Variants in CPOX observed in about 807,000 individuals in gnomAD.
CPOX encodes coproporphyrinogen oxidase.
In CPOX, 24 loss-of-function variants were observed where a neutral mutation model predicts 48.9. The ratio of observed to expected loss-of-function variants is 0.49; its 90% CI spans 0.36 to 0.69. The LOEUF (loss-of-function observed/expected upper bound fraction) is 0.69, where lower values mean the gene tolerates loss of function less well. Among genes scored for constraint, CPOX ranks in the 30% least tolerant of loss-of-function variants. CPOX has a pLI of 0.00. For missense variants in CPOX, 549 were observed against 597.3 expected (o/e 0.92, Z 0.84); for synonymous variants, 249 against 234.6 (o/e 1.06, Z -0.56).
chr3:98,578,939 A>G (rs1472427370), downstream of CPOX, among the ~76,000 whole-genome samples: 1 of 152,236 alleles, frequency 6.6e-6, no homozygotes, highest in Non-Finnish European at 1.5e-5. Flanking sequence ...CCTAGGAATG[A>G]GGAACTATGG....
rs548893156 is a variant in CPOX, at chr3:98,580,913, C to A, written c.1278-143G>T. ...CTTTGTCTCTACTGTGCCTGATGTGCCTTGTACCAACTTGACCTTTAAAAA... is the reference window on the plus strand; with the variant it reads ...CTTTGTCTCTACTGTGCCTGATGTGACTTGTACCAACTTGACCTTTAAAAA... On this transcript the variant is annotated intron_variant, in intron 6 of 6. Coordinates refer to ENST00000647941, the MANE Select transcript of CPOX (RefSeq NM_000097.7). 2.1e-5 allele frequency: 21 copies of A among 988,230 alleles called. No individual in the cohort carries two copies. In the East Asian group the frequency reaches 5.3e-4, roughly 25 times the overall value. 61.2% of individuals were successfully genotyped at this position (988,230 alleles called of 1,614,324 possible).
downstream of CPOX, among the ~76,000 whole-genome samples, chr3:98,575,218 T>C (rs57724013): frequency 0.36 from 54,230 of 152,126 alleles, 9,817 homozygotes; most frequent in African/African-American, 0.41. Context: ...AACACATCCA[T>C]GACAGAGTCA....
At chr3:98,578,305 T>C (rs1032015729), downstream of CPOX, 15 of 789,542 alleles carry the variant, frequency 1.9e-5, no homozygotes, top group Non-Finnish European at 2.3e-5. Flanking sequence ...TTTATCTTCA[T>C]TTACCCGCCA....
intron 5 of CPOX, 34 bp downstream of exon 5, chr3:98,585,407 T>A: frequency 6.4e-7 from 1 of 1,565,578 alleles, no homozygotes. Context: ...CTCCCCCACT[T>A]AGCCATGAAA....
At position 98,579,964 on chromosome 3, in the gene CPOX, A is replaced by G. The variant is rs1282226030; in HGVS notation, c.*719T>C. 5 of 985,690 alleles carry G rather than the reference A, an allele frequency of 5.1e-6. No individual in the cohort carries two copies. The highest frequency in any genetic ancestry group is 6.0e-6 in the Non-Finnish European group (5 of 829,864). 61.1% of individuals were successfully genotyped at this position (985,690 alleles called of 1,614,324 possible). On this transcript the variant is annotated 3_prime_UTR_variant, in exon 7 of 7. Transcript: ENST00000647941. ...TCAGGGATATAAGCTTTCACATTCAAAAGTGCAGAGAATCCCAACATTAAC... is the reference window on the plus strand; with the variant it reads ...TCAGGGATATAAGCTTTCACATTCAGAAGTGCAGAGAATCCCAACATTAAC...
chr3:98,586,197 A>C (rs939640388), intron 4 of CPOX, among the ~76,000 whole-genome samples: 3 of 152,164 alleles, frequency 2.0e-5, no homozygotes, highest in Admixed American at 6.5e-5. Flanking sequence ...TTCAAGGCGA[A>C]CAGGCAATTT....
At chr3:98,589,004 A>C in intron 3 of CPOX, 150 bp from the exon 4 acceptor site, 1 of 897,498 alleles carries the variant, frequency 1.1e-6, no homozygotes, top group Non-Finnish European at 1.8e-6. Context: ...TCTGAAGACC[A>C]GTAAGGCCTA....
downstream of CPOX, among the ~76,000 whole-genome samples, chr3:98,575,420 G>C (rs896236688): frequency 6.6e-6 from 1 of 152,218 alleles, no homozygotes; most frequent in African/African-American, 2.4e-5. Flanking sequence ...CTAGAATAGA[G>C]CTGGCTACAC....
chr3:98,587,323 C>G (rs1707383067), intron 4 of CPOX, among the ~76,000 whole-genome samples: 1 of 152,060 alleles, frequency 6.6e-6, no homozygotes, highest in Non-Finnish European at 1.5e-5. Flanking sequence ...CAAAATCTCT[C>G]TTTAAAACAT....
chr3:98,580,124 T>C lies in CPOX; in HGVS notation c.*559A>G, dbSNP rs2107111642. 1 of 974,352 alleles carries C rather than the reference T, an allele frequency of 1.0e-6. No homozygotes were observed. Among genetic ancestry groups the C allele is most frequent in the South Asian group, 4.7e-5 (1 of 21,056 alleles). 60.4% of individuals were successfully genotyped at this position (974,352 alleles called of 1,614,324 possible). On this transcript the variant is annotated 3_prime_UTR_variant, in exon 7 of 7. Transcript: ENST00000647941. The stretch of plus-strand genomic sequence containing the variant: ...AGAGATTATTTCAAGTGCTTCTAAA[T>C]ACCTATTAGAAAAATGTGTATCTAT...
intron 2 of CPOX, 67 bp from the exon 3 acceptor site, chr3:98,590,809 CTAATA>C (rs1221062042): frequency 1.1e-5 from 14 of 1,259,040 alleles, no homozygotes; most frequent in Non-Finnish European, 1.5e-5. Context: ...CAATTTCACT[CTAATA>C]TGATTTCCAA....
intron 5 of CPOX, 41 bp downstream of exon 5, chr3:98,585,400 C>T: frequency 6.6e-7 from 1 of 1,516,018 alleles, no homozygotes; most frequent in Non-Finnish European, 9.2e-7. Flanking sequence ...GCTCCACCTC[C>T]CCCACTTAGC....
At position 98,593,357 on chromosome 3, in the gene CPOX, G is replaced by A; in HGVS notation, c.148C>T (p.Pro50Ser). The change falls in exon 1 of 7, where the codon CCC becomes TCC. Residue 50 changes from proline (P) to serine (S), a missense_variant. Pro to Ser is a moderately conservative substitution (Grantham distance 74, BLOSUM62 -1). Coordinates refer to ENST00000647941, the MANE Select transcript of CPOX (RefSeq NM_000097.7). Reference sequence around the variant, plus strand: ...TGCTCCGTGCCAGCCGGGCCAGGGGGCCGGCAGACGCGTCCGGCTGCGCTG... The same window carrying A: ...TGCTCCGTGCCAGCCGGGCCAGGGGACCGGCAGACGCGTCCGGCTGCGCTG... ...QRSAAGRVCRPPGPAGTEQSR... is the reference protein window; with the variant it reads ...QRSAAGRVCRSPGPAGTEQSR... 2.2e-6 allele frequency: 3 copies of A among 1,339,308 alleles called. No individual in the cohort carries two copies. The highest frequency in any genetic ancestry group is 2.8e-6 in the Non-Finnish European group (3 of 1,057,274). 83.0% of individuals were successfully genotyped at this position (1,339,308 alleles called of 1,614,324 possible).
rs1707467275 is a variant in CPOX at position 98,590,957 on chromosome 3, G to A, written c.700+55C>T. 3.1e-6 allele frequency: 5 copies of A among 1,588,866 alleles called. 2 individuals carry two copies. The Admixed American group carries it at 6.7e-5, about 21-fold the overall frequency. ...TATTTATTTTATAAATAAAACTTGT[G>A]GGCAAAATAAGGTTTGCAGGGACTA... On this transcript the variant is annotated intron_variant, in intron 2 of 6. Coordinates refer to ENST00000647941, the MANE Select transcript of CPOX (RefSeq NM_000097.7).
rs562438814 is a variant in CPOX at position 98,584,274 on chromosome 3, C to T, written c.1172+1167G>A. The stretch of plus-strand genomic sequence containing the variant: ...GGTTCTTTTTGGCAGGTCCATGTTA[C>T]AGCCACCGGGTAGCCAAGATAGTGC... On this transcript the variant is annotated intron_variant, in intron 5 of 6. Transcript: ENST00000647941. Among the ~76,000 whole-genome samples the T allele has an allele frequency of 2.0e-5, 3 of 152,246 alleles. No individual in the cohort carries two copies. In the South Asian group the frequency reaches 6.2e-4, roughly 32 times the overall value.
chr3:98,574,503 C>G (rs1171106116), downstream of CPOX, among the ~76,000 whole-genome samples: 1 of 152,168 alleles, frequency 6.6e-6, no homozygotes, highest in Non-Finnish European at 1.5e-5. Context: ...ACCACACTCA[C>G]GTTGAATAGC....
intron 4 of CPOX, among the ~76,000 whole-genome samples, chr3:98,587,164 T>C (rs1345614865): frequency 6.6e-6 from 1 of 152,106 alleles, no homozygotes; most frequent in Non-Finnish European, 1.5e-5. Context: ...AAACAACAGA[T>C]GCAAATCCCT....
Position 98,581,408 on chromosome 3 carries a change from G to A in CPOX, c.1276C>T (p.Arg426Ter), listed in dbSNP as rs202148820. The change falls in exon 6 of 7, where the codon CGA becomes TGA. Residue 426 changes from arginine (R) to a stop codon, truncating the protein, a stop_gained and splice_region_variant. Coordinates refer to ENST00000647941, the MANE Select transcript of CPOX (RefSeq NM_000097.7). LOFTEE classifies it high-confidence loss of function. ...TACTAAAATGAGTTATCTCCTTACC[G>A]GGCAGTTAGAGGTAAAGACATCAAG... is the stretch of plus-strand genomic sequence containing the variant. ...SILMSLPLTARWEYMHSPSEN... is the reference protein window; with the variant it reads ...SILMSLPLTA 4 of 1,607,524 alleles carry A rather than the reference G, an allele frequency of 2.5e-6. No individual in the cohort carries two copies. The highest frequency in any genetic ancestry group is 2.2e-5 in the East Asian group (1 of 44,820).
At chr3:98,590,764 A>G (rs1264144275) in intron 2 of CPOX, 22 bp from the exon 3 acceptor site, 1 of 1,525,498 alleles carries the variant, frequency 6.6e-7, no homozygotes, top group Non-Finnish European at 9.1e-7. Context: ...AATATGAGTC[A>G]TGAGCTATAT....
Sources: allele counts gnomAD v4.1 joint callset (sites outside exome capture counted in the v4.1 genomes callset), GRCh38; gene constraint gnomAD v4.1.1; transcripts MANE v1.5; gene names NCBI Gene and HGNC (gene_info 2026-07-23, HGNC 2026-07-21).